The following OR2AT4 variants were observed in gnomAD, a reference collection of about 807,000 sequenced individuals.
OR2AT4 encodes the protein olfactory receptor 2AT4.
Under a neutral mutation model 10.3 loss-of-function variants are expected in OR2AT4, and 6 were observed. The observed-to-expected ratio is 0.58, with a 90% CI of 0.32 to 1.15. The LOEUF (loss-of-function observed/expected upper bound fraction) is 1.15. Among genes scored for constraint, OR2AT4 ranks in the 50% most tolerant of loss-of-function variants. The pLI, the probability that OR2AT4 is intolerant of heterozygous loss-of-function variation, is 0.05. For synonymous variants in OR2AT4, 145 were observed against 159.1 expected (o/e 0.91, Z 0.67); for missense variants, 354 against 393.8 (o/e 0.90, Z 0.85).
intron 1 of OR2AT4, among the ~76,000 whole-genome samples, chr11:75,092,549 T>C (rs1949325135): frequency 6.6e-6 from 1 of 152,132 alleles, no homozygotes; most frequent in South Asian, 2.1e-4. Flanking sequence ...CCCAGAAAGC[T>C]CCCTTGCACC....
Position 75,084,632 on chromosome 11 carries a change from A to G in OR2AT4, c.*4119T>C, listed in dbSNP as rs555837829. On this transcript the variant is annotated 3_prime_UTR_variant, in exon 2 of 2. Transcript: ENST00000641504. ...AAATTTAAAAGAATAGGCCATTAAA[A>G]AAATTTAAAAGAATAGAAAAGCTTT... 48 of 152,380 alleles carry G rather than the reference A, an allele frequency of 3.2e-4. 1 individual carries two copies. The highest frequency in any genetic ancestry group is 1.1e-3 in the African/African-American group (47 of 41,590). The allele number at this position is 152,380 out of a possible 1,614,324, so 9.4% of individuals were successfully genotyped here.
At chr11:75,088,518 C>T (rs1339266722) in exon 2 of OR2AT4, 3 of 350,588 alleles carry the variant, frequency 8.6e-6, no homozygotes, top group Non-Finnish European at 1.5e-5. Flanking sequence ...TTGCCTTTCC[C>T]TGTGATACGT....
exon 2 of OR2AT4, chr11:75,089,876 A>T: frequency 1.4e-6 from 1 of 711,010 alleles, no homozygotes; most frequent in Non-Finnish European, 2.3e-6. Context: ...TAGAGGACTG[A>T]TGAGGGGCTA....
exon 2 of OR2AT4, chr11:75,084,279 T>A (rs530161891): frequency 1.3e-5 from 2 of 152,196 alleles, no homozygotes; most frequent in Non-Finnish European, 2.9e-5. Flanking sequence ...GGATCATTCA[T>A]ATCCCAAACC....
chr11:75,089,489 G>A (rs779142126), exon 2 of OR2AT4: 1 of 1,614,214 alleles, frequency 6.2e-7, no homozygotes, highest in Non-Finnish European at 8.5e-7. Context: ...TGAAAAGGAT[G>A]TCCAAGGTGG....
chr11:75,091,291 G>C (rs998745264), intron 1 of OR2AT4, among the ~76,000 whole-genome samples: 1 of 152,182 alleles, frequency 6.6e-6, no homozygotes, highest in Non-Finnish European at 1.5e-5. Context: ...GCAGGAAAAT[G>C]TGACCAACAA....
intron 1 of OR2AT4, among the ~76,000 whole-genome samples, chr11:75,094,508 G>T (rs552343537): frequency 2.1e-4 from 32 of 152,284 alleles, no homozygotes; most frequent in African/African-American, 7.7e-4. Context: ...AGAACTTTGG[G>T]AGACCAAGGT....
chr11:75,084,529 ACTCCAC>A (rs1312146580), exon 2 of OR2AT4: 4 of 152,136 alleles, frequency 2.6e-5, no homozygotes, highest in African/African-American at 9.7e-5. Flanking sequence ...TTTATAGAAC[ACTCCAC>A]ATAATAGCAG....
chr11:75,094,608 G>A (rs1247234859), intron 1 of OR2AT4, among the ~76,000 whole-genome samples: 2 of 152,078 alleles, frequency 1.3e-5, no homozygotes, highest in Non-Finnish European at 2.9e-5. Flanking sequence ...AACTAGCCAA[G>A]TACAGTGGCT....
chr11:75,090,161 T>G, exon 2 of OR2AT4: 1 of 165,392 alleles, frequency 6.0e-6, no homozygotes. Context: ...TAAGTTGATG[T>G]CAGATCTCAT....
At chr11:75,084,841 G>GA (rs1949282325) in exon 2 of OR2AT4, 1 of 152,086 alleles carries the variant, frequency 6.6e-6, no homozygotes, top group Non-Finnish European at 1.5e-5. Context: ...GGAATAAAAT[G>GA]AAAATAAAAA....
intron 1 of OR2AT4, among the ~76,000 whole-genome samples, chr11:75,094,418 C>T (rs756637896): frequency 6.6e-6 from 1 of 152,156 alleles, no homozygotes; most frequent in Non-Finnish European, 1.5e-5. Flanking sequence ...GGCTGGTTTT[C>T]TGTCAGAGAG....
Position 75,089,934 on chromosome 11 carries a change from T to C in OR2AT4, c.-221A>G. 9.7e-6 allele frequency: 5 copies of C among 513,562 alleles called. No homozygotes were observed. In the South Asian group the frequency reaches 1.9e-4, roughly 20 times the overall value. 31.8% of individuals were successfully genotyped at this position (513,562 alleles called of 1,614,324 possible). ...AACGCAAAATTTGTCAAATATTGATTATTAATTAATTAATAACCAACCAAA... is the reference window on the plus strand; with the variant it reads ...AACGCAAAATTTGTCAAATATTGATCATTAATTAATTAATAACCAACCAAA... On this transcript the variant is annotated 5_prime_UTR_variant, in exon 2 of 2. The change creates a new upstream start codon in the 5' untranslated region. Coordinates refer to ENST00000641504, the Ensembl canonical transcript of OR2AT4.
exon 2 of OR2AT4, chr11:75,082,052 A>G (rs879191732): frequency 6.6e-6 from 1 of 152,176 alleles, no homozygotes; most frequent in East Asian, 1.9e-4. Flanking sequence ...CATGGAACCA[A>G]AAAAGAGCCC....
At chr11:75,089,378 A>G (rs1309853053) in exon 2 of OR2AT4, 16 of 1,614,218 alleles carry the variant, frequency 9.9e-6, no homozygotes, top group Non-Finnish European at 1.3e-5. Context: ...CTGAACATGT[A>G]AAACTTTGGA....
chr11:75,094,095 T>A (rs866012703), intron 1 of OR2AT4, among the ~76,000 whole-genome samples: 1 of 152,000 alleles, frequency 6.6e-6, no homozygotes, highest in Non-Finnish European at 1.5e-5. Context: ...AGAGCTGGGA[T>A]TACAGGCGTG....
At position 75,089,931 on chromosome 11, in the gene OR2AT4, G is replaced by C; in HGVS notation, c.-218C>G. 1.9e-6 allele frequency: 1 copy of C among 515,506 alleles called. No individual in the cohort carries two copies. 31.9% of individuals were successfully genotyped at this position (515,506 alleles called of 1,614,324 possible). Reference sequence around the variant, plus strand: ...GTGAACGCAAAATTTGTCAAATATTGATTATTAATTAATTAATAACCAACC... The same window carrying C: ...GTGAACGCAAAATTTGTCAAATATTCATTATTAATTAATTAATAACCAACC... On this transcript the variant is annotated 5_prime_UTR_variant, in exon 2 of 2. It adds an upstream start codon to the 5' untranslated region. Coordinates refer to ENST00000641504, the Ensembl canonical transcript of OR2AT4.
At chr11:75,092,090 G>T (rs1339259995) in intron 1 of OR2AT4, among the ~76,000 whole-genome samples, 2 of 152,134 alleles carry the variant, frequency 1.3e-5, no homozygotes, top group Non-Finnish European at 2.9e-5. Context: ...ACTTGAATAG[G>T]TGGGCACTTT....
chr11:75,085,819 C>T (rs529172541), exon 2 of OR2AT4: 4 of 152,038 alleles, frequency 2.6e-5, no homozygotes, highest in Non-Finnish European at 5.9e-5. Flanking sequence ...CCCTCCCCTC[C>T]CCAAATCCCA....
Sources: gnomAD v4.1 joint callset for allele counts (sites outside exome capture counted in the v4.1 genomes callset) on GRCh38, gnomAD v4.1.1 for gene constraint, MANE v1.5 for transcripts, NCBI Gene and HGNC (gene_info 2026-07-23, HGNC 2026-07-21) for gene names.